ARHGAP24: variants seen among roughly 807,000 people sequenced by gnomAD.
ARHGAP24 encodes rho GTPase-activating protein 24.
A neutral mutation model predicts 76.4 loss-of-function variants in ARHGAP24; 50 were observed. The observed-to-expected ratio is 0.65, with a 90% CI of 0.52 to 0.83. The LOEUF is 0.83. Among genes scored for constraint, ARHGAP24 ranks in the 40% least tolerant of loss-of-function variants. The probability of loss-of-function intolerance (pLI) is 0.00; values close to 1 mark genes in which losing one functional copy is unlikely to be tolerated. For synonymous variants in ARHGAP24, 345 were observed against 323.3 expected (o/e 1.07, Z -0.72); for missense variants, 930 against 914.2 (o/e 1.02, Z -0.22).
At chr4:85,525,956 A>G (rs535382358) in intron 1 of ARHGAP24, among the ~76,000 whole-genome samples, 15 of 151,460 alleles carry the variant, frequency 9.9e-5, no homozygotes, top group African/African-American at 3.4e-4. Context: ...GGCTTTTTAC[A>G]CCCCCAAGGG....
intron 3 of ARHGAP24, among the ~76,000 whole-genome samples, chr4:85,761,889 T>C (rs1560620436): frequency 6.6e-6 from 1 of 152,188 alleles, no homozygotes; most frequent in Non-Finnish European, 1.5e-5. Context: ...CAAATGGTTT[T>C]AAGGTGCTTG....
chr4:85,570,813 A>C, intron 2 of ARHGAP24, 92 bp downstream of exon 2: 1 of 1,376,414 alleles, frequency 7.3e-7, no homozygotes, highest in Non-Finnish European at 1.0e-6. Flanking sequence ...AGACCACCCA[A>C]AGCTCCCTGG....
chr4:85,727,773 G>A lies in ARHGAP24; in HGVS notation c.268+5801G>A, dbSNP rs189305338. ...ATCCACCAAGCAAAGATTCTTCATG[G>A]CTTTCAAGGGCAATTGTCAATATTC... On this transcript the variant is annotated intron_variant, in intron 3 of 9. Transcript: ENST00000395184. 5.9e-5 allele frequency among the ~76,000 whole-genome samples: 9 copies of A among 152,132 alleles called. No homozygotes were observed. The East Asian group carries it at 1.7e-3, about 29-fold the overall frequency.
chr4:85,503,186 G>A (rs1209314244), intron 1 of ARHGAP24, among the ~76,000 whole-genome samples: 2 of 152,032 alleles, frequency 1.3e-5, no homozygotes, highest in Non-Finnish European at 2.9e-5. Context: ...TCTCTTTTTT[G>A]TTGTGTCTCT....
chr4:85,625,469 G>A (rs1393716862), intron 2 of ARHGAP24, among the ~76,000 whole-genome samples: 4 of 152,098 alleles, frequency 2.6e-5, no homozygotes, highest in Admixed American at 6.5e-5. Context: ...TTTTACATTT[G>A]CTGAGGAGAG....
intron 1 of ARHGAP24, among the ~76,000 whole-genome samples, chr4:85,518,366 A>G (rs888103389): frequency 6.6e-6 from 1 of 151,876 alleles, no homozygotes; most frequent in Non-Finnish European, 1.5e-5. Flanking sequence ...AAAAAAATTT[A>G]TTTATTTATA....
At position 85,845,472 on chromosome 4, in the gene ARHGAP24, C is replaced by T. The variant is rs1048266223; in HGVS notation, c.269-78176C>T. Reference sequence around the variant, plus strand: ...AAGTCTTACTCCCAAACTATAGGTACATTAATGTATATATTAATATAAATC... The same window carrying T: ...AAGTCTTACTCCCAAACTATAGGTATATTAATGTATATATTAATATAAATC... On this transcript the variant is annotated intron_variant, in intron 3 of 9. Coordinates refer to ENST00000395184, the MANE Select transcript of ARHGAP24 (RefSeq NM_001025616.3). Among the ~76,000 whole-genome samples, 16 of 152,256 alleles carry T rather than the reference C, an allele frequency of 1.1e-4. No homozygotes were observed. The East Asian group carries it at 3.1e-3, about 29-fold the overall frequency.
At chr4:85,510,215 G>A (rs2110104927) in intron 1 of ARHGAP24, among the ~76,000 whole-genome samples, 2 of 152,260 alleles carry the variant, frequency 1.3e-5, no homozygotes, top group Middle Eastern at 6.8e-3. Context: ...TTTTATAAGA[G>A]TATTTTCCTC....
chr4:85,591,858 C>T (rs1393624978), intron 2 of ARHGAP24, among the ~76,000 whole-genome samples: 2 of 152,070 alleles, frequency 1.3e-5, no homozygotes, highest in East Asian at 3.9e-4. Flanking sequence ...TGGTACCTGG[C>T]ATACAGAAAA....
chr4:85,830,478 C>T (rs1256706811), intron 3 of ARHGAP24, among the ~76,000 whole-genome samples: 1 of 152,174 alleles, frequency 6.6e-6, no homozygotes, highest in Non-Finnish European at 1.5e-5. Flanking sequence ...TTTATACATA[C>T]CGACATAGTT....
chr4:85,922,257 A>G (rs1735762499), intron 3 of ARHGAP24, among the ~76,000 whole-genome samples: 1 of 152,192 alleles, frequency 6.6e-6, no homozygotes, highest in African/African-American at 2.4e-5. Flanking sequence ...ATTTATATCA[A>G]TGCTAGAATA....
intron 2 of ARHGAP24, among the ~76,000 whole-genome samples, chr4:85,677,330 G>T (rs1472540831): frequency 6.6e-6 from 1 of 152,150 alleles, no homozygotes; most frequent in Non-Finnish European, 1.5e-5. Flanking sequence ...CACATTCAGG[G>T]GTGGGAAGGA....
chr4:85,746,683 C>T (rs1213018764), intron 3 of ARHGAP24, among the ~76,000 whole-genome samples: 3 of 152,110 alleles, frequency 2.0e-5, no homozygotes, highest in Non-Finnish European at 4.4e-5. Flanking sequence ...TGGAGTCTCA[C>T]ACTGTCACCC....
chr4:85,886,976 A>G (rs2148774409), intron 3 of ARHGAP24, among the ~76,000 whole-genome samples: 1 of 152,244 alleles, frequency 6.6e-6, no homozygotes, highest in East Asian at 1.9e-4. Context: ...TCTCATTATC[A>G]ATCAGATAAT....
chr4:85,668,102 C>T (rs1194931189), intron 2 of ARHGAP24, among the ~76,000 whole-genome samples: 2 of 152,174 alleles, frequency 1.3e-5, no homozygotes, highest in African/African-American at 4.8e-5. Flanking sequence ...AGTTTAGTGG[C>T]ACTTTTTGAT....
At chr4:85,712,078 C>T (rs1471185013) in intron 2 of ARHGAP24, among the ~76,000 whole-genome samples, 1 of 152,116 alleles carries the variant, frequency 6.6e-6, no homozygotes, top group Non-Finnish European at 1.5e-5. Flanking sequence ...CATTTACCAA[C>T]CCCTGAACAG....
intron 3 of ARHGAP24, among the ~76,000 whole-genome samples, chr4:85,858,329 G>A (rs1731702109): frequency 6.6e-6 from 1 of 152,116 alleles, no homozygotes. Flanking sequence ...TTATTTGGTT[G>A]ACATTCTGTT....
intron 2 of ARHGAP24, among the ~76,000 whole-genome samples, chr4:85,656,952 T>TA (rs200658091): frequency 4.0e-5 from 5 of 123,502 alleles, no homozygotes; most frequent in Middle Eastern, 3.8e-3. Context: ...TAAGCTGCTT[T>TA]AAAAAAAATG....
At chr4:85,918,709 A>G (rs1419145896) in intron 3 of ARHGAP24, among the ~76,000 whole-genome samples, 1 of 152,082 alleles carries the variant, frequency 6.6e-6, no homozygotes, top group Non-Finnish European at 1.5e-5. Context: ...TATTTTTAAG[A>G]AAGAAAAATT....
Sources: allele counts gnomAD v4.1 joint callset (sites outside exome capture counted in the v4.1 genomes callset), GRCh38; gene constraint gnomAD v4.1.1; transcripts MANE v1.5; gene names NCBI Gene and HGNC (gene_info 2026-07-23, HGNC 2026-07-21).